The following PINLYP variants were observed in gnomAD, a reference collection of about 807,000 sequenced individuals.
PINLYP encodes the protein phospholipase A2 inhibitor and LY6/PLAUR domain containing.
In PINLYP, 12 loss-of-function variants were observed where a neutral mutation model predicts 15.8. That is an observed-to-expected ratio of 0.76 (90% CI 0.49 to 1.23). The LOEUF is 1.23. Ranked by LOEUF, PINLYP falls within the 50% of genes most tolerant of loss-of-function variation. The probability of loss-of-function intolerance (pLI) is 0.00; values close to 1 mark genes in which losing one functional copy is unlikely to be tolerated. For missense variants in PINLYP, 278 were observed against 264.2 expected, an observed-to-expected ratio of 1.05 and a Z score of -0.36; for synonymous variants, 93 against 97.7, an observed-to-expected ratio of 0.95 and a Z score of 0.28.
At chr19:43,577,234 G>C in exon 2 of PINLYP, 2 of 1,536,060 alleles carry the variant, frequency 1.3e-6, no homozygotes, top group Non-Finnish European at 1.7e-6. Flanking sequence ...GCTGGCCTTT[G>C]TGTTGCTCTG....
exon 6 of PINLYP, chr19:43,581,901 G>A: frequency 6.5e-7 from 1 of 1,536,742 alleles, no homozygotes. Flanking sequence ...ATGCGGGGCT[G>A]TGCTACAGAG....
At chr19:43,582,015 C>G in exon 6 of PINLYP, 2 of 1,535,684 alleles carry the variant, frequency 1.3e-6, no homozygotes, top group Non-Finnish European at 1.7e-6. Context: ...GCTATCTGAA[C>G]AGAGGAAGAT....
exon 4 of PINLYP, chr19:43,581,238 A>G (rs1568523164): frequency 2.0e-6 from 3 of 1,537,096 alleles, no homozygotes; most frequent in Non-Finnish European, 1.7e-6. Flanking sequence ...GCACACCTAC[A>G]AGGGCTGCAT....
At chr19:43,581,300 G>A (rs200906403) in exon 4 of PINLYP, 23 of 1,536,950 alleles carry the variant, frequency 1.5e-5, no homozygotes, top group African/African-American at 2.7e-5. Context: ...TGGGCCCCAA[G>A]GACCACATGG....
upstream of PINLYP, chr19:43,575,666 G>A: frequency 2.2e-6 from 1 of 446,062 alleles, no homozygotes; most frequent in South Asian, 4.0e-5. Context: ...GAAGAGCGCT[G>A]CGTTCCTTAG....
exon 1 of PINLYP, among the ~76,000 whole-genome samples, chr19:43,576,454 C>A (rs551113788): frequency 6.6e-6 from 1 of 151,726 alleles, no homozygotes; most frequent in East Asian, 1.9e-4. Context: ...AAATATAACA[C>A]AAAGCATGTG....
chr19:43,579,536 C>T (rs533091254), intron 3 of PINLYP, among the ~76,000 whole-genome samples: 2 of 151,294 alleles, frequency 1.3e-5, no homozygotes, highest in South Asian at 2.1e-4. Flanking sequence ...CATGAGCTAC[C>T]GTGCCTGGCT....
chr19:43,579,987 G>A (rs189574222), intron 3 of PINLYP, among the ~76,000 whole-genome samples: 146 of 152,232 alleles, frequency 9.6e-4, no homozygotes, highest in African/African-American at 3.3e-3. Context: ...GAGAAAGGGA[G>A]CAATGGAAGA....
At chr19:43,580,586 G>C in intron 3 of PINLYP, 1 of 971,908 alleles carries the variant, frequency 1.0e-6, no homozygotes, top group Non-Finnish European at 1.2e-6. Context: ...GCCTGAAATA[G>C]AGTAATCCCG....
At chr19:43,578,736 G>A in intron 3 of PINLYP, 30 bp downstream of exon 3, 1 of 1,503,226 alleles carries the variant, frequency 6.7e-7, no homozygotes, top group East Asian at 2.5e-5. Flanking sequence ...GACCTGGTGG[G>A]GAGGTGGGGT....
chr19:43,581,892 T>G (rs1972939246), exon 6 of PINLYP: 3 of 1,536,762 alleles, frequency 2.0e-6, no homozygotes, highest in Non-Finnish European at 2.6e-6. Context: ...AGATTTGCTA[T>G]GCGGGGCTGT....
chr19:43,578,528 A>G (rs1484030656), intron 2 of PINLYP, 62 bp from the exon 3 acceptor site: 3 of 1,264,616 alleles, frequency 2.4e-6, no homozygotes, highest in South Asian at 2.7e-5. Context: ...TCCTAAGTCA[A>G]AGTCGTGGTC....
chr19:43,580,531 G>C, intron 3 of PINLYP: 1 of 985,368 alleles, frequency 1.0e-6, no homozygotes, highest in South Asian at 4.7e-5. Context: ...AGTTGAGGAG[G>C]CTGGAAGAGA....
chr19:43,577,320 T>A, intron 2 of PINLYP, 59 bp downstream of exon 2: 2 of 1,416,738 alleles, frequency 1.4e-6, no homozygotes, highest in Non-Finnish European at 1.9e-6. Flanking sequence ...GGTCCCAGAT[T>A]GAGAGAGAGA....
chr19:43,580,276 A>AT (rs1345490211), intron 3 of PINLYP: 1 of 153,018 alleles, frequency 6.5e-6, no homozygotes, highest in Non-Finnish European at 1.5e-5. Flanking sequence ...GGACCCCTCG[A>AT]TGGAGTGAAG....
At position 43,577,094 on chromosome 19, in the gene PINLYP, C is replaced by T. The variant is rs780180878; in HGVS notation, c.-77-21C>T. On this transcript the variant is annotated intron_variant, in intron 1 of 5. Coordinates refer to ENST00000599207, the Ensembl canonical transcript of PINLYP. ...ACAGAGGACTGCCCTGGGTTCTGACCTCAGCTATTTCTCCCCGTAGGGTGA... is the reference window on the plus strand; with the variant it reads ...ACAGAGGACTGCCCTGGGTTCTGACTTCAGCTATTTCTCCCCGTAGGGTGA... 2.0e-6 allele frequency: 3 copies of T among 1,533,976 alleles called. No homozygotes were observed. The East Asian group carries it at 7.3e-5, about 38-fold the overall frequency.
At chr19:43,577,023 C>T (rs1972873962) in intron 1 of PINLYP, 92 bp from the exon 2 acceptor site, 1 of 1,299,556 alleles carries the variant, frequency 7.7e-7, no homozygotes, top group Non-Finnish European at 1.0e-6. Context: ...CACAAGATGC[C>T]CAGGTCACTT....
upstream of PINLYP, chr19:43,575,544 C>T (rs760953720): frequency 6.2e-6 from 9 of 1,444,740 alleles, no homozygotes; most frequent in South Asian, 1.2e-5. Flanking sequence ...GGGCGGGGTG[C>T]GCCCTGCGCT....
intron 3 of PINLYP, among the ~76,000 whole-genome samples, chr19:43,579,853 G>C (rs551816586): frequency 6.6e-6 from 1 of 152,120 alleles, no homozygotes; most frequent in South Asian, 2.1e-4. Flanking sequence ...AGCGAGCTAA[G>C]TGCACACCGC....
Sources: gnomAD v4.1 joint callset for allele counts (sites outside exome capture counted in the v4.1 genomes callset) on GRCh38, gnomAD v4.1.1 for gene constraint, MANE v1.5 for transcripts, NCBI Gene and HGNC (gene_info 2026-07-23, HGNC 2026-07-21) for gene names.